Variants in INHBA observed in about 807,000 individuals in gnomAD.
INHBA encodes inhibin subunit beta A.
A neutral mutation model predicts 29.0 loss-of-function variants in INHBA; 1 was observed. That is an observed-to-expected ratio of 0.03 (90% CI 0.01 to 0.16). The LOEUF is 0.16. Among genes scored for constraint, INHBA ranks in the 10% least tolerant of loss-of-function variants. The pLI is 1.00. For missense variants in INHBA, 376 were observed against 545.4 expected (o/e 0.69, Z 3.09); for synonymous variants, 242 against 216.8 (o/e 1.12, Z -1.02).
chr7:41,703,790 C>CACACACA (rs1554287648), upstream of INHBA, among the ~76,000 whole-genome samples: 1 of 151,450 alleles, frequency 6.6e-6, no homozygotes, highest in South Asian at 2.1e-4. Flanking sequence ...CACACACACA[C>CACACACA]ACAACAACAA....
intron 2 of INHBA, among the ~76,000 whole-genome samples, chr7:41,693,540 G>T (rs1794567977): frequency 6.6e-6 from 1 of 152,194 alleles, no homozygotes; most frequent in Non-Finnish European, 1.5e-5. Context: ...GATTTCACAA[G>T]AGCAGGTTTC....
Position 41,689,929 on chromosome 7 carries a change from G to A in INHBA, c.1002C>T (p.Gly334=). ...AGGGAGCAATGATCCAGTCATTCCA[G>A]CCGATGTCCTTGAAACTGACAAAGA... ...KQFFVSFKDI[G]WNDWIIAPSG... The change falls in exon 3 of 3, where the codon GGC becomes GGT. Residue 334 remains glycine, a synonymous_variant. Coordinates refer to ENST00000242208, the MANE Select transcript of INHBA (RefSeq NM_002192.4). The A allele has an allele frequency of 6.2e-7, 1 of 1,614,036 alleles. No homozygotes were observed. Among genetic ancestry groups the A allele is most frequent in the Non-Finnish European group, 8.5e-7 (1 of 1,180,040 alleles).
Position 41,686,197 on chromosome 7 carries a change from C to T in INHBA, c.*3453G>A, listed in dbSNP as rs945880827. 2.6e-5 allele frequency: 4 copies of T among 152,138 alleles called. No individual in the cohort carries two copies. Among genetic ancestry groups the T allele is most frequent in the Non-Finnish European group, 4.4e-5 (3 of 68,012 alleles). 9.4% of individuals were successfully genotyped at this position (152,138 alleles called of 1,614,324 possible). A position where few individuals can be genotyped will look rare whatever the true frequency, so the allele number is the denominator to read the frequency against. ...GTCTTCTGGGATAAGAAATTCCCAA[C>T]TCAGTGTGCTGAAATTCACCTGACT... On this transcript the variant is annotated 3_prime_UTR_variant, in exon 3 of 3. Transcript: ENST00000242208.
chr7:41,696,560 C>A (rs748823754), intron 2 of INHBA, among the ~76,000 whole-genome samples: 2 of 152,132 alleles, frequency 1.3e-5, no homozygotes, highest in Non-Finnish European at 1.5e-5. Context: ...GCTTCCAGTA[C>A]GCGCAACTGC....
At chr7:41,701,210 TCCCACCGC>T (rs977732871) in intron 1 of INHBA, among the ~76,000 whole-genome samples, 2 of 151,938 alleles carry the variant, frequency 1.3e-5, no homozygotes, top group African/African-American at 4.8e-5. Flanking sequence ...GAAAAAGTGT[TCCCACCGC>T]CCCTCCACCC....
intron 1 of INHBA, among the ~76,000 whole-genome samples, chr7:41,701,584 G>A (rs563154721): frequency 9.9e-5 from 15 of 152,184 alleles, no homozygotes; most frequent in Non-Finnish European, 1.5e-4. Flanking sequence ...CTTTCTCCCC[G>A]TCGCGTTCAG....
At chr7:41,696,048 T>TC (rs11388094) in intron 2 of INHBA, among the ~76,000 whole-genome samples, 114,652 of 151,916 alleles carry the variant, frequency 0.75, 43,732 homozygotes, top group African/African-American at 0.81. Flanking sequence ...TTCCCATCTT[T>TC]CCCACCATTT....
In INHBA at chr7:41,688,449, G is replaced by A. The variant is rs1323276036; in HGVS notation, c.*1201C>T. On this transcript the variant is annotated 3_prime_UTR_variant, in exon 3 of 3. Transcript: ENST00000242208. ...AATCCCAACCCCTGACTCATTGATG[G>A]TGAATGATACCAACCACAGACAGAC... 6 of 152,042 alleles carry A rather than the reference G, an allele frequency of 3.9e-5. No individual in the cohort carries two copies. The East Asian group carries it at 1.2e-3, about 29-fold the overall frequency. 9.4% of individuals were successfully genotyped at this position (152,042 alleles called of 1,614,324 possible).
At chr7:41,700,865 G>C (rs1220776925) in intron 1 of INHBA, among the ~76,000 whole-genome samples, 1 of 148,834 alleles carries the variant, frequency 6.7e-6, no homozygotes, top group Non-Finnish European at 1.5e-5. Context: ...GAGAGAGAGA[G>C]AGAGAGAGAG....
At position 41,687,430 on chromosome 7, in the gene INHBA, C is replaced by A. The variant is rs1384314512; in HGVS notation, c.*2220G>T. ...TTCACACAAGTGTGTAAAAATAGGG[C>A]TCTGGATTTTCAAAAGCACATACAT... is the stretch of plus-strand genomic sequence containing the variant. On this transcript the variant is annotated 3_prime_UTR_variant, in exon 3 of 3. Transcript: ENST00000242208. 1.3e-5 allele frequency: 2 copies of A among 152,068 alleles called. No individual in the cohort carries two copies. Among genetic ancestry groups the A allele is most frequent in the Admixed American group, 6.5e-5 (1 of 15,272 alleles). The allele number at this position is 152,068 out of a possible 1,614,324, so 9.4% of individuals were successfully genotyped here.
intron 2 of INHBA, chr7:41,691,852 T>C (rs765692501): frequency 1.3e-5 from 2 of 152,184 alleles, no homozygotes; most frequent in Non-Finnish European, 2.9e-5. Context: ...TGAGTTCTAT[T>C]AAATTAAGAG....
chr7:41,686,444 A>G lies in INHBA; in HGVS notation c.*3206T>C, dbSNP rs542774708. The G allele has an allele frequency of 1.3e-5, 2 of 152,310 alleles. No individual in the cohort carries two copies. The highest frequency in any genetic ancestry group is 3.9e-4 in the East Asian group (2 of 5,186). The allele number at this position is 152,310 out of a possible 1,614,324, so 9.4% of individuals were successfully genotyped here. ...CATACTACTAAGAATCCCATATGTTATAATTTAAAGCCTTTACTTTTGGCC... is the reference window on the plus strand; with the variant it reads ...CATACTACTAAGAATCCCATATGTTGTAATTTAAAGCCTTTACTTTTGGCC... On this transcript the variant is annotated 3_prime_UTR_variant, in exon 3 of 3. Transcript: ENST00000242208.
At chr7:41,694,863 C>A (rs542908518) in intron 2 of INHBA, among the ~76,000 whole-genome samples, 1 of 152,278 alleles carries the variant, frequency 6.6e-6, no homozygotes, top group South Asian at 2.1e-4. Flanking sequence ...CAGGGAATAC[C>A]TCTGAAATGC....
chr7:41,702,804 T>C (rs1469904226), intron 1 of INHBA, among the ~76,000 whole-genome samples: 1 of 152,248 alleles, frequency 6.6e-6, no homozygotes, highest in Non-Finnish European at 1.5e-5. Context: ...TACTTGTATA[T>C]ATGTGCTGAG....
In INHBA at chr7:41,687,828, A is replaced by G. The variant is rs906480185; in HGVS notation, c.*1822T>C. 1.3e-5 allele frequency: 2 copies of G among 152,184 alleles called. No homozygotes were observed. Among genetic ancestry groups the G allele is most frequent in the African/African-American group, 4.8e-5 (2 of 41,446 alleles). 9.4% of individuals were successfully genotyped at this position (152,184 alleles called of 1,614,324 possible). On this transcript the variant is annotated 3_prime_UTR_variant, in exon 3 of 3. Transcript: ENST00000242208. Reference sequence around the variant, plus strand: ...ACACTCAACTCTAATTCTGGCCTAAATATTATTTTTCTGAAAAAGCTTCTG... The same window carrying G: ...ACACTCAACTCTAATTCTGGCCTAAGTATTATTTTTCTGAAAAAGCTTCTG...
intron 2 of INHBA, among the ~76,000 whole-genome samples, 154 bp from the exon 3 acceptor site, chr7:41,690,696 T>C (rs1794482302): frequency 1.3e-5 from 2 of 152,348 alleles, no homozygotes; most frequent in South Asian, 4.1e-4. Context: ...AAACTGTTTC[T>C]GTACTGCCTG....
chr7:41,696,035 C>A (rs1051236626), intron 2 of INHBA, among the ~76,000 whole-genome samples: 3 of 63,246 alleles, frequency 4.7e-5, no homozygotes, highest in African/African-American at 2.2e-4. Context: ...CTATTAATCT[C>A]TTTTCCCATC....
At position 41,690,105 on chromosome 7, in the gene INHBA, C is replaced by T. The variant is rs1355421314; in HGVS notation, c.826G>A (p.Glu276Lys). Residue 276 changes from glutamate (E) to lysine (K), a missense_variant, in exon 3 of 3, where the codon GAA (glutamate) becomes AAA (lysine). Glu to Lys is a moderately conservative substitution (Grantham distance 56, BLOSUM62 1). This residue lies in a region of INHBA where 253 missense variants were observed against 313.4 expected (regional missense o/e 0.81). Transcript: ENST00000242208. ...EGEGKKKGGGEGGAGADEEKE... is the reference protein window; with the variant it reads ...EGEGKKKGGGKGGAGADEEKE... ...TCCTCATCTGCTCCTGCCCCACCTTCACCTCCGCCCTTCTTTTTCCCTTCC... is the reference window on the plus strand; with the variant it reads ...TCCTCATCTGCTCCTGCCCCACCTTTACCTCCGCCCTTCTTTTTCCCTTCC... 8 of 1,613,664 alleles carry T rather than the reference C, an allele frequency of 5.0e-6. No homozygotes were observed. The Admixed American group carries it at 6.7e-5, about 13-fold the overall frequency.
At chr7:41,691,369 G>A (rs1482070250) in intron 2 of INHBA, 1 of 152,326 alleles carries the variant, frequency 6.6e-6, no homozygotes, top group African/African-American at 2.4e-5. Context: ...AGCAGCTAAA[G>A]GCATCTTTCC....
Sources: gnomAD v4.1 joint callset for allele counts (sites outside exome capture counted in the v4.1 genomes callset) on GRCh38, gnomAD v4.1.1 for gene constraint, gnomAD v4.1.1 regional missense constraint, MANE v1.5 for transcripts, NCBI Gene and HGNC (gene_info 2026-07-23, HGNC 2026-07-21) for gene names.